Variants in SOX13 observed in about 807,000 individuals in gnomAD.
SOX13 encodes the protein transcription factor SOX-13.
In SOX13, 28 loss-of-function variants were observed where a neutral mutation model predicts 71.8. The observed-to-expected ratio is 0.39, with a 90% CI of 0.29 to 0.53. SOX13 has a LOEUF of 0.53. SOX13 is among the 20% of genes least tolerant of loss of function. The pLI is 0.70. For synonymous variants in SOX13, 309 were observed against 317.8 expected, an observed-to-expected ratio of 0.97 and a Z score of 0.29; for missense variants, 627 against 810.3, an observed-to-expected ratio of 0.77 and a Z score of 2.75.
intron 5 of SOX13, 97 bp from the exon 6 acceptor site, chr1:204,117,025 G>T: frequency 8.2e-7 from 1 of 1,223,744 alleles, no homozygotes. Flanking sequence ...TCCATGGCTT[G>T]CCCCACTGTA....
chr1:204,092,804 G>GT (rs1176086261), intron 1 of SOX13, among the ~76,000 whole-genome samples: 1 of 152,138 alleles, frequency 6.6e-6, no homozygotes, highest in Non-Finnish European at 1.5e-5. Context: ...CCGGTGTGTG[G>GT]TGGGGACAGG....
chr1:204,112,379 T>G (rs1656595334), intron 1 of SOX13, among the ~76,000 whole-genome samples: 1 of 151,466 alleles, frequency 6.6e-6, no homozygotes, highest in Non-Finnish European at 1.5e-5. Context: ...AGGCGGAGGT[T>G]GCAGTGAGCC....
intron 1 of SOX13, among the ~76,000 whole-genome samples, chr1:204,102,963 C>A (rs895266406): frequency 2.0e-5 from 3 of 152,126 alleles, no homozygotes; most frequent in Non-Finnish European, 4.4e-5. Context: ...CACCTGCCTC[C>A]GGAAGAGCTG....
chr1:204,110,892 A>G (rs1355659588), intron 1 of SOX13, among the ~76,000 whole-genome samples: 1 of 148,462 alleles, frequency 6.7e-6, no homozygotes, highest in Non-Finnish European at 1.5e-5. Flanking sequence ...CTAAACATCT[A>G]ATCCCCATGC....
intron 1 of SOX13, among the ~76,000 whole-genome samples, chr1:204,092,578 A>G (rs1344466142): frequency 6.6e-6 from 1 of 152,202 alleles, no homozygotes; most frequent in Non-Finnish European, 1.5e-5. Context: ...AGTGATGTAT[A>G]TATTATGGCC....
At chr1:204,120,561 C>G (rs1033053475) in intron 7 of SOX13, among the ~76,000 whole-genome samples, 1 of 152,238 alleles carries the variant, frequency 6.6e-6, no homozygotes, top group African/African-American at 2.4e-5. Flanking sequence ...TCATGGGCCT[C>G]GGGGCCAACC....
chr1:204,095,768 CA>C (rs1281722039), intron 1 of SOX13, among the ~76,000 whole-genome samples: 1 of 152,164 alleles, frequency 6.6e-6, no homozygotes, highest in Non-Finnish European at 1.5e-5. Flanking sequence ...ACCATCTGTC[CA>C]TGGAACTTTT....
chr1:204,110,023 G>T (rs1433222002), intron 1 of SOX13, among the ~76,000 whole-genome samples: 1 of 151,532 alleles, frequency 6.6e-6, no homozygotes, highest in African/African-American at 2.4e-5. Flanking sequence ...GTAGAGATGG[G>T]GTTTCTCCAT....
intron 1 of SOX13, among the ~76,000 whole-genome samples, chr1:204,099,929 G>A (rs773724538): frequency 5.3e-5 from 8 of 151,924 alleles, no homozygotes; most frequent in Non-Finnish European, 8.8e-5. Flanking sequence ...ATAGCTTGAG[G>A]CCAGGAGTTC....
chr1:204,123,656 C>G lies in SOX13; in HGVS notation c.1232-5C>G, dbSNP rs1558223135. 1 of 1,612,390 alleles carries G rather than the reference C, an allele frequency of 6.2e-7. No homozygotes were observed. Among genetic ancestry groups the G allele is most frequent in the African/African-American group, 1.3e-5 (1 of 75,008 alleles). On this transcript the variant is annotated splice_polypyrimidine_tract_variant and splice_region_variant and intron_variant, in intron 11 of 13. Transcript: ENST00000367204. The surrounding 1 kb of genome is among the most constrained non-coding windows in gnomAD (Gnocchi z 5.0). ...TGCTTGGCTGACTTCACTCCTGTCT[C>G]CCAGGCTCCCGCCACTTCCCCGAGT... is the stretch of plus-strand genomic sequence containing the variant.
rs1240812668 is a variant in SOX13 at position 204,113,049 on chromosome 1, A to G, written c.134A>G (p.Glu45Gly). Residue 45 changes from glutamate (E) to glycine (G), a missense_variant, in exon 2 of 14, where the codon GAA (glutamate) becomes GGA (glycine). This residue lies in a region of SOX13 where 447 missense variants were observed against 532.2 expected (regional missense o/e 0.84). Coordinates refer to ENST00000367204, the MANE Select transcript of SOX13 (RefSeq NM_005686.3). ...EAPQGSATAA[E>G]PQPGDPARAS... ...CCCCAGGGCTCAGCCACTGCCGCTG[A>G]ACCTCAGCCTGGAGACCCAGCCCGG... 2.5e-6 allele frequency: 4 copies of G among 1,610,412 alleles called. No individual in the cohort carries two copies. Among genetic ancestry groups the G allele is most frequent in the Non-Finnish European group, 2.5e-6 (3 of 1,178,696 alleles).
At chr1:204,110,726 TA>T (rs1656564405) in intron 1 of SOX13, among the ~76,000 whole-genome samples, 1 of 152,184 alleles carries the variant, frequency 6.6e-6, no homozygotes, top group South Asian at 2.1e-4. Context: ...TCATAATACA[TA>T]ACAAACATTT....
intron 1 of SOX13, among the ~76,000 whole-genome samples, chr1:204,112,115 T>TTGA (rs1340482956): frequency 6.6e-6 from 1 of 152,206 alleles, no homozygotes; most frequent in East Asian, 1.9e-4. Context: ...GTGTTATCTC[T>TTGA]TGATTTTTAA....
In SOX13 at chr1:204,098,488, TTTG is replaced by T. The variant is rs573774494; in HGVS notation, c.-1-14405_-1-14403del. Among the ~76,000 whole-genome samples the T allele has an allele frequency of 6.8e-3, 1,037 of 151,724 alleles. 13 individuals are homozygous for T. Among genetic ancestry groups the T allele is most frequent in the African/African-American group, 0.022 (913 of 41,342 alleles). On this transcript the variant is annotated intron_variant, in intron 1 of 13. Transcript: ENST00000367204. ...AGCGAGACTCAAAAAAAAAAAAAAT[TTTG>T]TTGTTGTTGTTGTTGTTGTTGCTGA...
intron 1 of SOX13, among the ~76,000 whole-genome samples, chr1:204,077,657 C>T (rs1030540937): frequency 2.6e-5 from 4 of 152,168 alleles, no homozygotes; most frequent in Non-Finnish European, 4.4e-5. Context: ...CATGCACACA[C>T]GCAAGGACAG....
In SOX13 at chr1:204,081,622, G is replaced by A. The variant is rs1009888019; in HGVS notation, c.-2+7911G>A. Reference sequence around the variant, plus strand: ...GCTAGACAGGGAGGGGAGCCTTGGCGTGAGCTGCCCTCACACTGACTTAAA... The same window carrying A: ...GCTAGACAGGGAGGGGAGCCTTGGCATGAGCTGCCCTCACACTGACTTAAA... On this transcript the variant is annotated intron_variant, in intron 1 of 13. Coordinates refer to ENST00000367204, the MANE Select transcript of SOX13 (RefSeq NM_005686.3). The surrounding 1 kb of genome is among the most constrained non-coding windows in gnomAD (Gnocchi z 4.3). 5.9e-5 allele frequency among the ~76,000 whole-genome samples: 9 copies of A among 152,196 alleles called. No individual in the cohort carries two copies. The highest frequency in any genetic ancestry group is 2.2e-4 in the African/African-American group (9 of 41,450).
intron 4 of SOX13, chr1:204,116,185 G>T: frequency 7.6e-7 from 1 of 1,307,556 alleles, no homozygotes; most frequent in Non-Finnish European, 9.9e-7. Flanking sequence ...TGTCCACCCT[G>T]ACCCTGTGTG....
chr1:204,095,730 C>G (rs1656239040), intron 1 of SOX13, among the ~76,000 whole-genome samples: 3 of 152,156 alleles, frequency 2.0e-5, no homozygotes, highest in Non-Finnish European at 4.4e-5. Context: ...GGCATTAAGT[C>G]CATTCACATT....
chr1:204,083,743 C>T (rs1208255863), intron 1 of SOX13, among the ~76,000 whole-genome samples: 3 of 152,176 alleles, frequency 2.0e-5, no homozygotes, highest in Non-Finnish European at 2.9e-5. Context: ...GTAGGGAGCA[C>T]CTGCCTTGTG....
Sources: allele counts gnomAD v4.1 joint callset (sites outside exome capture counted in the v4.1 genomes callset), GRCh38; gene constraint gnomAD v4.1.1; regional missense constraint gnomAD v4.1.1; non-coding constraint Gnocchi (gnomAD v3.1); transcripts MANE v1.5; gene names NCBI Gene and HGNC (gene_info 2026-07-23, HGNC 2026-07-21).